Variants in SPOCK3 observed in about 807,000 individuals in gnomAD.
SPOCK3 encodes testican-3.
A neutral mutation model predicts 56.6 loss-of-function variants in SPOCK3; 30 were observed. That is an observed-to-expected ratio of 0.53 (90% confidence interval 0.40 to 0.72). The LOEUF (loss-of-function observed/expected upper bound fraction) is 0.72. Among genes scored for constraint, SPOCK3 ranks in the 30% least tolerant of loss-of-function variants. The probability of loss-of-function intolerance (pLI) is 0.00; values close to 1 mark genes in which losing one functional copy is unlikely to be tolerated. For synonymous variants in SPOCK3, 196 were observed against 183.3 expected (o/e 1.07, Z -0.56); for missense variants, 527 against 530.0 (o/e 0.99, Z 0.06).
At chr4:167,107,435 A>G (rs1035116813) in intron 2 of SPOCK3, among the ~76,000 whole-genome samples, 6 of 151,918 alleles carry the variant, frequency 3.9e-5, no homozygotes, top group Admixed American at 3.9e-4. Flanking sequence ...AAAGCATTTC[A>G]TAAAATCTGA....
At position 167,161,709 on chromosome 4, in the gene SPOCK3, C is replaced by A. The variant is rs182522410; in HGVS notation, c.189+72276G>T. ...TATACACCATGGAATACTATGCAGCCACAAAAAATGATGAGTTCATGTCCT... is the reference window on the plus strand; with the variant it reads ...TATACACCATGGAATACTATGCAGCAACAAAAAATGATGAGTTCATGTCCT... On this transcript the variant is annotated intron_variant, in intron 2 of 10. Coordinates refer to ENST00000357545, the MANE Select transcript of SPOCK3 (RefSeq NM_001040159.2). Among the ~76,000 whole-genome samples the A allele has an allele frequency of 3.6e-4, 54 of 152,068 alleles. No homozygotes were observed. In the East Asian group the frequency reaches 0.01, roughly 29 times the overall value.
At chr4:167,211,174 C>A (rs771577140) in intron 2 of SPOCK3, among the ~76,000 whole-genome samples, 4 of 152,108 alleles carry the variant, frequency 2.6e-5, no homozygotes, top group Non-Finnish European at 5.9e-5. Context: ...TTCGGACTTG[C>A]GTGCGGCCTG....
intron 6 of SPOCK3, among the ~76,000 whole-genome samples, chr4:166,807,713 C>A (rs533382162): frequency 6.6e-6 from 1 of 152,168 alleles, no homozygotes; most frequent in Admixed American, 6.5e-5. Flanking sequence ...CAAAATTTAA[C>A]GATCATCTGT....
At chr4:167,224,291 G>A (rs907270817) in intron 2 of SPOCK3, among the ~76,000 whole-genome samples, 1 of 151,780 alleles carries the variant, frequency 6.6e-6, no homozygotes, top group Non-Finnish European at 1.5e-5. Flanking sequence ...AATAAAATAG[G>A]ACAAAAAGAG....
chr4:166,816,016 G>GT (rs1216848602), intron 6 of SPOCK3, among the ~76,000 whole-genome samples: 1 of 151,942 alleles, frequency 6.6e-6, no homozygotes, highest in African/African-American at 2.4e-5. Context: ...AGTTACAGAG[G>GT]TTAAAAATAT....
chr4:166,737,775 G>T (rs1229119356), intron 9 of SPOCK3, among the ~76,000 whole-genome samples, 171 bp from the exon 10 acceptor site: 1 of 152,152 alleles, frequency 6.6e-6, no homozygotes. Flanking sequence ...AATCAGGGAA[G>T]TCTTTTGTGT....
chr4:166,973,778 C>T (rs1371956724), intron 4 of SPOCK3, among the ~76,000 whole-genome samples: 4 of 152,016 alleles, frequency 2.6e-5, no homozygotes, highest in East Asian at 1.9e-4. Context: ...AAGATAGATC[C>T]AAGACTGACA....
At chr4:167,030,454 T>C (rs1580058840) in intron 3 of SPOCK3, among the ~76,000 whole-genome samples, 1 of 152,084 alleles carries the variant, frequency 6.6e-6, no homozygotes, top group South Asian at 2.1e-4. Flanking sequence ...CTAGTCTGGA[T>C]TGACTTCTTG....
chr4:167,049,217 G>T (rs1336544788), intron 3 of SPOCK3, among the ~76,000 whole-genome samples: 2 of 151,722 alleles, frequency 1.3e-5, no homozygotes, highest in Admixed American at 6.6e-5. Flanking sequence ...CATCTTTGAA[G>T]TTTTTATTGT....
chr4:167,180,120 G>T (rs1038513759), intron 2 of SPOCK3, among the ~76,000 whole-genome samples: 2 of 152,074 alleles, frequency 1.3e-5, no homozygotes, highest in Admixed American at 6.6e-5. Context: ...AGTAAAATTG[G>T]GCACTGTTGT....
chr4:166,865,454 T>C (rs553912259), intron 6 of SPOCK3, among the ~76,000 whole-genome samples: 1 of 152,034 alleles, frequency 6.6e-6, no homozygotes, highest in Non-Finnish European at 1.5e-5. Flanking sequence ...GAGAAAGAAA[T>C]AAAGTTTTTC....
At chr4:167,033,343 TTTAAA>T (rs1482936530) in intron 3 of SPOCK3, among the ~76,000 whole-genome samples, 1 of 150,446 alleles carries the variant, frequency 6.6e-6, no homozygotes, top group Non-Finnish European at 1.5e-5. Flanking sequence ...TATTTGGTCC[TTTAAA>T]TAAAAATTCA....
chr4:166,771,484 C>T (rs1738924278), intron 7 of SPOCK3, among the ~76,000 whole-genome samples: 1 of 152,032 alleles, frequency 6.6e-6, no homozygotes. Flanking sequence ...AGTGGTAGAA[C>T]ACAGTTCAAT....
intron 6 of SPOCK3, among the ~76,000 whole-genome samples, chr4:166,820,820 A>T (rs1032754428): frequency 6.6e-6 from 1 of 152,022 alleles, no homozygotes; most frequent in Admixed American, 6.6e-5. Context: ...CCGTCTCAAA[A>T]TTTTTAAAAA....
intron 2 of SPOCK3, among the ~76,000 whole-genome samples, chr4:167,217,260 A>C (rs1364324346): frequency 6.6e-6 from 1 of 152,076 alleles, no homozygotes; most frequent in Non-Finnish European, 1.5e-5. Context: ...CTCTGTATCC[A>C]TGAATTTCAC....
In SPOCK3 at chr4:167,204,683, T is replaced by C. The variant is rs536864722; in HGVS notation, c.189+29302A>G. Among the ~76,000 whole-genome samples the C allele has an allele frequency of 1.8e-4, 27 of 152,104 alleles. No homozygotes were observed. The South Asian group carries it at 4.8e-3, about 27-fold the overall frequency. On this transcript the variant is annotated intron_variant, in intron 2 of 10. Coordinates refer to ENST00000357545, the MANE Select transcript of SPOCK3 (RefSeq NM_001040159.2). ...ATGTCACCCCCACACTGTGCCATTA[T>C]CAGAACTCTCTTTGGTTAATTAGGC... is the stretch of plus-strand genomic sequence containing the variant.
chr4:166,899,614 C>T (rs757093448), intron 5 of SPOCK3, among the ~76,000 whole-genome samples: 9 of 150,100 alleles, frequency 6.0e-5, no homozygotes, highest in Non-Finnish European at 1.2e-4. Flanking sequence ...TAAAGCGATT[C>T]TCCTGCCTCA....
intron 3 of SPOCK3, among the ~76,000 whole-genome samples, chr4:167,012,323 A>G (rs1358434781): frequency 6.6e-6 from 1 of 151,964 alleles, no homozygotes; most frequent in African/African-American, 2.4e-5. Flanking sequence ...AAAGTTGTAT[A>G]TGTAAAAATT....
chr4:167,213,924 A>G (rs1475099236), intron 2 of SPOCK3, among the ~76,000 whole-genome samples: 1 of 152,170 alleles, frequency 6.6e-6, no homozygotes, highest in Non-Finnish European at 1.5e-5. Context: ...TTGTACTGTC[A>G]CAAGACTGCT....
Sources: allele counts gnomAD v4.1 joint callset (sites outside exome capture counted in the v4.1 genomes callset), GRCh38; gene constraint gnomAD v4.1.1; transcripts MANE v1.5; gene names NCBI Gene and HGNC (gene_info 2026-07-23, HGNC 2026-07-21).